Variants in ALDH7A1 observed in about 807,000 individuals in gnomAD.
The protein encoded by ALDH7A1 is aldehyde dehydrogenase 7 family member A1.
A neutral mutation model predicts 79.9 loss-of-function variants in ALDH7A1; 63 were observed. That is an observed-to-expected ratio of 0.79 (90% CI 0.64 to 0.97). The LOEUF is 0.97. Ranked by LOEUF, ALDH7A1 falls within the 50% of genes least tolerant of loss-of-function variation. ALDH7A1 has a pLI of 0.00. For synonymous variants in ALDH7A1, 240 were observed against 231.2 expected (o/e 1.04, Z -0.34); for missense variants, 627 against 665.2 (o/e 0.94, Z 0.63).
intron 2 of ALDH7A1, 86 bp from the exon 3 acceptor site, chr5:126,592,815 G>A: frequency 1.5e-6 from 2 of 1,360,474 alleles, no homozygotes; most frequent in South Asian, 1.2e-5. Flanking sequence ...TTTCAGAAAA[G>A]AGTTGGGAAA....
chr5:126,551,344 T>G (rs1466491720), intron 14 of ALDH7A1, among the ~76,000 whole-genome samples: 1 of 151,678 alleles, frequency 6.6e-6, no homozygotes, highest in African/African-American at 2.4e-5. Flanking sequence ...AGATGGAGTC[T>G]CACTCTGTTG....
At chr5:126,594,751 T>C (rs1751683122) in intron 1 of ALDH7A1, among the ~76,000 whole-genome samples, 1 of 151,956 alleles carries the variant, frequency 6.6e-6, no homozygotes, top group African/African-American at 2.4e-5. Flanking sequence ...CGGTAGACCA[T>C]AATGTTTTAA....
In ALDH7A1 at chr5:126,549,073, CAAAAAAAAAAAA is replaced by C. The variant is rs58433570; in HGVS notation, c.1489+844_1489+855del. On this transcript the variant is annotated intron_variant, in intron 16 of 17. Coordinates refer to ENST00000409134, the MANE Select transcript of ALDH7A1 (RefSeq NM_001182.5). The stretch of plus-strand genomic sequence containing the variant: ...TGGGCAACATAGCAAGCCCCCAGCT[CAAAAAAAAAAAA>C]AAAAAAAAAAAAAAAGGAATAGTCA... Among the ~76,000 whole-genome samples, 10 of 69,862 alleles carry C rather than the reference CAAAAAAAAAAAA, an allele frequency of 1.4e-4. 1 individual carries two copies. The highest frequency in any genetic ancestry group is 5.1e-4 in the Admixed American group (3 of 5,860). The allele number at this position is 69,862 out of a possible 152,430, so 45.8% of individuals were successfully genotyped here.
intron 9 of ALDH7A1, among the ~76,000 whole-genome samples, chr5:126,564,066 T>C (rs996699596): frequency 2.0e-5 from 3 of 152,102 alleles, no homozygotes; most frequent in Admixed American, 1.3e-4. Flanking sequence ...GGATTACAGA[T>C]ATGAGCCACT....
intron 16 of ALDH7A1, 114 bp from the exon 17 acceptor site, chr5:126,546,513 T>C: frequency 1.1e-6 from 1 of 927,850 alleles, no homozygotes; most frequent in Non-Finnish European, 1.7e-6. Context: ...GATTATTTAC[T>C]TTACATTTAG....
chr5:126,595,011 C>A lies in ALDH7A1; in HGVS notation c.188G>T (p.Gly63Val). 1 of 1,599,934 alleles carries A rather than the reference C, an allele frequency of 6.3e-7. No homozygotes were observed. Among genetic ancestry groups the A allele is most frequent in the East Asian group, 2.3e-5 (1 of 44,120 alleles). The change falls in exon 1 of 18, where the codon GGA becomes GTA. Residue 63 changes from glycine to valine, a missense_variant. By Grantham distance (109) the Gly-to-Val change is moderately radical. Transcript: ENST00000409134. The stretch of plus-strand genomic sequence containing the variant: ...ATTTCTTGAGCGCCCGCGTACCTCT[C>A]CCCGGCCTCCCCAGCTTCCATTATA... ...GVYNGSWGGR[G>V]EVITTYCPAN...
At chr5:126,576,218 G>A (rs1750962072) in intron 6 of ALDH7A1, among the ~76,000 whole-genome samples, 1 of 145,440 alleles carries the variant, frequency 6.9e-6, no homozygotes, top group African/African-American at 2.6e-5. Context: ...AGCCGAGACC[G>A]CGCCCCTGCA....
intron 5 of ALDH7A1, 183 bp downstream of exon 5, chr5:126,582,668 G>A (rs1751216213): frequency 2.7e-6 from 2 of 732,382 alleles, no homozygotes; most frequent in African/African-American, 3.6e-5. Flanking sequence ...AAAACAAAAA[G>A]GTTCTTGATC....
At position 126,577,214 on chromosome 5, in the gene ALDH7A1, G is replaced by A. The variant is rs748806212; in HGVS notation, c.518-3C>T. On this transcript the variant is annotated splice_region_variant and splice_polypyrimidine_tract_variant and intron_variant, in intron 5 of 17. Coordinates refer to ENST00000409134, the MANE Select transcript of ALDH7A1 (RefSeq NM_001182.5). ...CTCAATCAGTGCATGGCCAGATCCT[G>A]AGGACAGAAAAAGGATGGAACATGC... 2 of 1,614,092 alleles carry A rather than the reference G, an allele frequency of 1.2e-6. No homozygotes were observed. The highest frequency in any genetic ancestry group is 2.2e-5 in the South Asian group (2 of 91,064).
Position 126,550,245 on chromosome 5 carries a change from A to G in ALDH7A1, c.1366T>C (p.Ser456Pro), listed in dbSNP as rs1294743046. The change falls in exon 15 of 18, where the codon TCA becomes CCA. Residue 456 changes from serine to proline, a missense_variant. Physicochemically the swap from Ser to Pro is moderately conservative, Grantham distance 74. Coordinates refer to ENST00000409134, the MANE Select transcript of ALDH7A1 (RefSeq NM_001182.5). ...AWNNEVKQGLSSSIFTKDLGR... is the reference protein window; with the variant it reads ...AWNNEVKQGLPSSIFTKDLGR... ...AGATCTTTGGTAAAGATGCTACTTG[A>G]AAGTCCCTGTTTTACTTCATTATTC... 6.2e-7 allele frequency: 1 copy of G among 1,613,708 alleles called. No homozygotes were observed. The highest frequency in any genetic ancestry group is 2.2e-5 in the East Asian group (1 of 44,862).
rs2112756058 is a variant in ALDH7A1 at position 126,552,091 on chromosome 5, C to T, written c.1247G>A (p.Gly416Asp). ...GNYVEPTIVT[G>D]LGHDASIAHT... The stretch of plus-strand genomic sequence containing the variant: ...TGCAATGGACGCATCGTGGCCAAGA[C>T]CTGTCACAATTGTCGGTTCTACATA... Residue 416 changes from glycine (G) to aspartate (D), a missense_variant, in exon 14 of 18, where the codon GGT becomes GAT. Physicochemically the swap from Gly to Asp is moderately conservative, Grantham distance 94 (BLOSUM62 -1). Coordinates refer to ENST00000409134, the MANE Select transcript of ALDH7A1 (RefSeq NM_001182.5). The T allele has an allele frequency of 1.9e-6, 3 of 1,614,042 alleles. No individual in the cohort carries two copies. The highest frequency in any genetic ancestry group is 2.5e-6 in the Non-Finnish European group (3 of 1,179,980).
At chr5:126,547,976 G>A (rs1045097235) in intron 16 of ALDH7A1, among the ~76,000 whole-genome samples, 3 of 151,846 alleles carry the variant, frequency 2.0e-5, no homozygotes, top group South Asian at 2.1e-4. Context: ...TGCTTGAACT[G>A]GGGAGGTGGA....
intron 6 of ALDH7A1, among the ~76,000 whole-genome samples, chr5:126,576,056 T>C (rs890415139): frequency 6.6e-6 from 1 of 151,948 alleles, no homozygotes; most frequent in Admixed American, 6.6e-5. Flanking sequence ...GGTCATGAGA[T>C]TGAGACCATC....
At chr5:126,549,853 T>C in intron 16 of ALDH7A1, 76 bp downstream of exon 16, 1 of 1,309,122 alleles carries the variant, frequency 7.6e-7, no homozygotes. Context: ...AGTCTCTTGG[T>C]CAGCCTTTTC....
chr5:126,551,760 T>A (rs1403266301), intron 14 of ALDH7A1, among the ~76,000 whole-genome samples: 1 of 152,192 alleles, frequency 6.6e-6, no homozygotes, highest in Non-Finnish European at 1.5e-5. Context: ...AGGATTAAGA[T>A]GACACAGGAA....
chr5:126,556,042 A>T, intron 11 of ALDH7A1, 27 bp from the exon 12 acceptor site: 2 of 1,511,760 alleles, frequency 1.3e-6, no homozygotes, highest in South Asian at 1.1e-5. Flanking sequence ...ATTCAAGGGC[A>T]TAGTATGATA....
At chr5:126,591,271 T>C (rs1229152294) in intron 3 of ALDH7A1, among the ~76,000 whole-genome samples, 3 of 152,170 alleles carry the variant, frequency 2.0e-5, no homozygotes, top group Non-Finnish European at 4.4e-5. Flanking sequence ...GTGGTATTTT[T>C]CTGCCCAAGG....
At chr5:126,592,767 A>G in intron 2 of ALDH7A1, 38 bp from the exon 3 acceptor site, 2 of 1,572,056 alleles carry the variant, frequency 1.3e-6, no homozygotes, top group Non-Finnish European at 1.8e-6. Context: ...GGGGGAAATA[A>G]AGAGAAATGA....
At chr5:126,574,243 A>G (rs1457557333) in intron 7 of ALDH7A1, among the ~76,000 whole-genome samples, 3 of 151,384 alleles carry the variant, frequency 2.0e-5, no homozygotes, top group Admixed American at 1.3e-4. Flanking sequence ...TACTAAAAAT[A>G]CAAAAAATTA....
Sources: gnomAD v4.1 joint callset for allele counts (sites outside exome capture counted in the v4.1 genomes callset) on GRCh38, gnomAD v4.1.1 for gene constraint, MANE v1.5 for transcripts, NCBI Gene and HGNC (gene_info 2026-07-23, HGNC 2026-07-21) for gene names.